Variants in ZC3H12B observed in about 807,000 individuals in gnomAD.
ZC3H12B encodes the protein probable ribonuclease ZC3H12B.
ZC3H12B carries 7 observed loss-of-function variants against 43.9 expected under a neutral mutation model. The observed-to-expected ratio is 0.16, with a 90% CI of 0.09 to 0.30. The LOEUF (loss-of-function observed/expected upper bound fraction) is 0.30, where lower values mean the gene tolerates loss of function less well. Among genes scored for constraint, ZC3H12B ranks in the 10% least tolerant of loss-of-function variants. The pLI is 1.00. For missense variants in ZC3H12B, 475 were observed against 670.2 expected (o/e 0.71, Z 3.22); for synonymous variants, 222 against 241.7 (o/e 0.92, Z 0.76).
rs765824789 is a variant in ZC3H12B at position 65,503,040 on chromosome X, A to G, written c.2342A>G (p.Asn781Ser). The stretch of plus-strand genomic sequence containing the variant: ...AGGAATCCTTGGGTTGGAATGTGCA[A>G]TGATTCCAGGGAGCATATGATCCCA... Residue 781 changes from asparagine to serine, a missense_variant, in exon 5 of 5, where the codon AAT (asparagine) becomes AGT (serine). Physicochemically the swap from Asn to Ser is conservative, Grantham distance 46. Transcript: ENST00000338957. 6 of 1,209,163 alleles carry G rather than the reference A, an allele frequency of 5.0e-6. No homozygotes were observed. Among genetic ancestry groups the G allele is most frequent in the South Asian group, 1.8e-5 (1 of 56,780 alleles).
chrX:65,158,968 T>G, the ZC3H12B span, among the ~76,000 whole-genome samples: 1,403 of 112,078 alleles, frequency 0.013, 22 homozygotes, highest in African/African-American at 0.044. Flanking sequence ...AAGGAAGGGA[T>G]CCAGTTTCAC....
chrX:65,393,148 C>A lies in ZC3H12B; in HGVS notation n.296-5445C>A, dbSNP rs752057438. On this transcript the variant is annotated intron_variant and non_coding_transcript_variant, in intron 2 of 5. Transcript: ENST00000617377. ...GTCCTCTGCCTAGGAAAACCAGAGA[C>A]CTTTGTTCACAAGTTTATCTGCTGA... is the stretch of plus-strand genomic sequence containing the variant. Among the ~76,000 whole-genome samples, 223 of 111,187 alleles carry A rather than the reference C, an allele frequency of 2.0e-3. 1 individual carries two copies. The highest frequency in any genetic ancestry group is 2.7e-3 in the Non-Finnish European group (144 of 52,941).
intron 3 of ZC3H12B, among the ~76,000 whole-genome samples, chrX:65,434,552 T>C (rs886982635): frequency 8.9e-6 from 1 of 112,455 alleles, no homozygotes; most frequent in African/African-American, 3.2e-5. Flanking sequence ...TTTGGTCTGA[T>C]CTAACTTTAT....
At chrX:65,317,743 T>TTG in the ZC3H12B span, among the ~76,000 whole-genome samples, 1 of 104,201 alleles carries the variant, frequency 9.6e-6, no homozygotes, top group Non-Finnish European at 2.0e-5. Flanking sequence ...GTATCCTATT[T>TTG]TGTGTGTGTG....
chrX:65,150,569 A>G, the ZC3H12B span, among the ~76,000 whole-genome samples: 1 of 109,550 alleles, frequency 9.1e-6, no homozygotes, highest in African/African-American at 3.3e-5. Context: ...ACTCCCACTT[A>G]TGAGTGAGAA....
At chrX:65,056,559 A>C in the ZC3H12B span, among the ~76,000 whole-genome samples, 1 of 111,805 alleles carries the variant, frequency 8.9e-6, no homozygotes, top group Non-Finnish European at 1.9e-5. Context: ...AGAAGAATGT[A>C]TATTCTGTTG....
the ZC3H12B span, among the ~76,000 whole-genome samples, chrX:65,114,899 G>A: frequency 1.5e-4 from 8 of 54,881 alleles, no homozygotes; most frequent in East Asian, 7.5e-4. Context: ...TCAGCACTGC[G>A]TTAGTTGTGT....
the ZC3H12B span, among the ~76,000 whole-genome samples, chrX:65,295,720 G>A: frequency 9.0e-6 from 1 of 111,537 alleles, no homozygotes; most frequent in Admixed American, 9.5e-5. Flanking sequence ...TGAAATGAGA[G>A]AAATTACCAC....
At chrX:65,452,094 G>A (rs1431074290) in intron 3 of ZC3H12B, among the ~76,000 whole-genome samples, 1 of 111,610 alleles carries the variant, frequency 9.0e-6, no homozygotes, top group African/African-American at 3.3e-5. Flanking sequence ...AAACTAATGG[G>A]ATTTCTATTC....
At chrX:65,283,954 C>G in the ZC3H12B span, among the ~76,000 whole-genome samples, 1 of 111,081 alleles carries the variant, frequency 9.0e-6, no homozygotes, top group Non-Finnish European at 1.9e-5. Flanking sequence ...GAGTGGTGTT[C>G]GAGTTACTAC....
chrX:65,035,112 C>T, the ZC3H12B span, among the ~76,000 whole-genome samples: 4 of 112,499 alleles, frequency 3.6e-5, no homozygotes, highest in South Asian at 1.5e-3. Context: ...AAGCTGTCTC[C>T]CTTGCACCCA....
chrX:65,335,658 G>A, the ZC3H12B span, among the ~76,000 whole-genome samples: 1 of 111,652 alleles, frequency 9.0e-6, no homozygotes, highest in Non-Finnish European at 1.9e-5. Context: ...AAGAACCCGG[G>A]TACCATTGTA....
chrX:65,392,054 C>T (rs933036262), intron 2 of ZC3H12B, among the ~76,000 whole-genome samples: 3 of 111,734 alleles, frequency 2.7e-5, no homozygotes, highest in Admixed American at 9.5e-5. Context: ...GATGGAGTCT[C>T]GCTCACTCAG....
the ZC3H12B span, among the ~76,000 whole-genome samples, chrX:65,136,221 C>T: frequency 9.0e-6 from 1 of 111,492 alleles, no homozygotes; most frequent in African/African-American, 3.3e-5. Context: ...TACCTCATTA[C>T]TTCTAGGTGG....
chrX:65,193,482 T>C, the ZC3H12B span, among the ~76,000 whole-genome samples: 1 of 111,850 alleles, frequency 8.9e-6, no homozygotes. Flanking sequence ...TTGGTTGTAA[T>C]GTTTCCTTTT....
the ZC3H12B span, among the ~76,000 whole-genome samples, chrX:65,245,168 A>G: frequency 5.3e-4 from 59 of 111,954 alleles, no homozygotes; most frequent in African/African-American, 1.9e-3. Flanking sequence ...TCCTGAATAC[A>G]TACAACCTCC....
the ZC3H12B span, among the ~76,000 whole-genome samples, chrX:65,344,569 CAA>C: frequency 1.7e-3 from 188 of 112,118 alleles, 2 homozygotes; most frequent in African/African-American, 5.9e-3. Context: ...AAAATCAACT[CAA>C]GATTAATTAA....
the ZC3H12B span, among the ~76,000 whole-genome samples, chrX:65,037,345 A>G: frequency 9.0e-6 from 1 of 111,630 alleles, no homozygotes; most frequent in Non-Finnish European, 1.9e-5. Flanking sequence ...TAGAAGGTGG[A>G]AGAGTTCAGC....
the ZC3H12B span, among the ~76,000 whole-genome samples, chrX:65,178,962 C>T: frequency 3.6e-5 from 4 of 112,003 alleles, no homozygotes; most frequent in South Asian, 1.1e-3. Context: ...TGCACATGTA[C>T]GTTTATTGCA....
Sources: gnomAD v4.1 joint callset for allele counts (sites outside exome capture counted in the v4.1 genomes callset) on GRCh38, gnomAD v4.1.1 for gene constraint, MANE v1.5 for transcripts, NCBI Gene and HGNC (gene_info 2026-07-23, HGNC 2026-07-21) for gene names.